Variants in GPR158 observed in about 807,000 individuals in gnomAD.
GPR158 encodes the protein metabotropic glycine receptor.
In GPR158, 30 loss-of-function variants were observed where a neutral mutation model predicts 78.2. The observed-to-expected ratio is 0.38, with a 90% CI of 0.29 to 0.52. GPR158 has a LOEUF of 0.52. Ranked by LOEUF, GPR158 falls within the 20% of genes least tolerant of loss-of-function variation. GPR158 has a pLI of 0.83. For missense variants in GPR158, 1,463 were observed against 1,523.5 expected (o/e 0.96, Z 0.66); for synonymous variants, 581 against 591.1 (o/e 0.98, Z 0.25).
chr10:25,185,333 T>G (rs1321301791), intron 1 of GPR158, among the ~76,000 whole-genome samples: 1 of 152,210 alleles, frequency 6.6e-6, no homozygotes, highest in Non-Finnish European at 1.5e-5. Flanking sequence ...TCATTGTATA[T>G]ATAGAACCTG....
chr10:25,241,978 T>C (rs1271413704), intron 2 of GPR158, among the ~76,000 whole-genome samples: 1 of 152,230 alleles, frequency 6.6e-6, no homozygotes, highest in Non-Finnish European at 1.5e-5. Context: ...ATTCCCCGTA[T>C]CTACTTAACA....
intron 3 of GPR158, among the ~76,000 whole-genome samples, chr10:25,408,061 T>TGG (rs765802282): frequency 6.6e-6 from 1 of 152,180 alleles, no homozygotes. Context: ...CCTTAGCTGA[T>TGG]GTGGGTGAAG....
intron 4 of GPR158, among the ~76,000 whole-genome samples, chr10:25,418,865 G>C (rs1227252744): frequency 6.7e-6 from 1 of 149,892 alleles, no homozygotes; most frequent in Non-Finnish European, 1.5e-5. Context: ...CACTGTAGTT[G>C]GTATTTTCTC....
intron 5 of GPR158, among the ~76,000 whole-genome samples, chr10:25,500,856 G>T (rs960799786): frequency 6.6e-5 from 10 of 152,204 alleles, no homozygotes; most frequent in Non-Finnish European, 4.4e-5. Flanking sequence ...AAAATAGGTT[G>T]CTGTGTTAGA....
intron 3 of GPR158, among the ~76,000 whole-genome samples, chr10:25,401,365 A>G (rs1302987906): frequency 6.6e-6 from 1 of 152,054 alleles, no homozygotes; most frequent in Admixed American, 6.6e-5. Context: ...TTCTCCATCC[A>G]ATTGCCGGTC....
rs982979913 is a variant in GPR158 at position 25,514,612 on chromosome 10, T to C, written c.1405-36364T>C. ...CATTGTGTTATTGTTATATAGGCCC[T>C]GTGAGATTTATGCTTTAAGGAGGTT... On this transcript the variant is annotated intron_variant, in intron 5 of 10. Transcript: ENST00000376351. 2.0e-5 allele frequency among the ~76,000 whole-genome samples: 3 copies of C among 152,184 alleles called. No homozygotes were observed. The East Asian group carries it at 5.8e-4, about 29-fold the overall frequency.
chr10:25,417,440 A>T (rs1015501846), intron 4 of GPR158, among the ~76,000 whole-genome samples: 1 of 152,132 alleles, frequency 6.6e-6, no homozygotes, highest in Non-Finnish European at 1.5e-5. Flanking sequence ...TTCCCATTTC[A>T]TTCAGAATCA....
intron 1 of GPR158, 106 bp from the exon 2 acceptor site, chr10:25,220,946 A>C (rs1588742240): frequency 1.5e-6 from 1 of 683,596 alleles, no homozygotes; most frequent in East Asian, 2.7e-5. Context: ...CAATTTGACA[A>C]TTTTTGGCAT....
intron 1 of GPR158, among the ~76,000 whole-genome samples, chr10:25,191,297 C>T (rs1852767726): frequency 6.6e-6 from 1 of 152,232 alleles, no homozygotes; most frequent in Admixed American, 6.5e-5. Flanking sequence ...GTGACCATCA[C>T]TTGCATTAGC....
At chr10:25,405,302 A>G (rs1393741524) in intron 3 of GPR158, among the ~76,000 whole-genome samples, 1 of 152,018 alleles carries the variant, frequency 6.6e-6, no homozygotes, top group Non-Finnish European at 1.5e-5. Context: ...ACCCACACAA[A>G]GACATTTCTA....
rs1482447847 is a variant in GPR158, at chr10:25,332,767, G to T, written c.1009-63144G>T. On this transcript the variant is annotated intron_variant, in intron 2 of 10. Coordinates refer to ENST00000376351, the MANE Select transcript of GPR158 (RefSeq NM_020752.3). Reference sequence around the variant, plus strand: ...TTCAATTTTAATTCCTAGTATTTAGGATCTCTCGTTATAACTTAAAAAAAT... The same window carrying T: ...TTCAATTTTAATTCCTAGTATTTAGTATCTCTCGTTATAACTTAAAAAAAT... Among the ~76,000 whole-genome samples, 3 of 152,074 alleles carry T rather than the reference G, an allele frequency of 2.0e-5. No homozygotes were observed. The East Asian group carries it at 5.8e-4, about 29-fold the overall frequency.
chr10:25,369,340 C>A (rs1833954381), intron 2 of GPR158, among the ~76,000 whole-genome samples: 1 of 149,822 alleles, frequency 6.7e-6, no homozygotes, highest in Admixed American at 6.6e-5. Flanking sequence ...GAGATACATC[C>A]CATCAATAGC....
chr10:25,374,991 C>G (rs868377928), intron 2 of GPR158, among the ~76,000 whole-genome samples: 1 of 151,570 alleles, frequency 6.6e-6, no homozygotes, highest in African/African-American at 2.4e-5. Flanking sequence ...GTGGTTGTAC[C>G]ATTTTACATC....
intron 10 of GPR158, 91 bp downstream of exon 10, chr10:25,596,880 A>G: frequency 1.0e-6 from 1 of 995,070 alleles, no homozygotes; most frequent in Admixed American, 2.2e-5. Context: ...GTGTGCATGC[A>G]TGTACACTCA....
intron 2 of GPR158, among the ~76,000 whole-genome samples, chr10:25,379,197 C>T (rs972930564): frequency 2.0e-5 from 3 of 152,090 alleles, no homozygotes; most frequent in South Asian, 2.1e-4. Context: ...TAGATTTACT[C>T]GCATATTTAC....
At chr10:25,266,263 G>T (rs1854044013) in intron 2 of GPR158, among the ~76,000 whole-genome samples, 1 of 152,118 alleles carries the variant, frequency 6.6e-6, no homozygotes, top group Admixed American at 6.6e-5. Context: ...AAGTGCAATT[G>T]TTTGATTGTT....
chr10:25,299,634 A>G (rs1564414982), intron 2 of GPR158, among the ~76,000 whole-genome samples: 1 of 152,030 alleles, frequency 6.6e-6, no homozygotes, highest in South Asian at 2.1e-4. Flanking sequence ...TCATCCATTC[A>G]TCTTCTGACA....
At chr10:25,377,356 A>G (rs1465051052) in intron 2 of GPR158, among the ~76,000 whole-genome samples, 1 of 151,790 alleles carries the variant, frequency 6.6e-6, no homozygotes, top group Non-Finnish European at 1.5e-5. Flanking sequence ...TCTTTTATTT[A>G]CTTATTTTTT....
At chr10:25,543,442 G>C (rs982228217) in intron 5 of GPR158, among the ~76,000 whole-genome samples, 1 of 152,092 alleles carries the variant, frequency 6.6e-6, no homozygotes, top group Non-Finnish European at 1.5e-5. Flanking sequence ...TTAAAAACTC[G>C]ATGCCTTGAG....
Sources: gnomAD v4.1 joint callset for allele counts (sites outside exome capture counted in the v4.1 genomes callset) on GRCh38, gnomAD v4.1.1 for gene constraint, MANE v1.5 for transcripts, NCBI Gene and HGNC (gene_info 2026-07-23, HGNC 2026-07-21) for gene names.